NEFH: variants seen among roughly 807,000 people sequenced by gnomAD.
NEFH encodes neurofilament heavy chain, also known as neurofilament heavy polypeptide.
A neutral mutation model predicts 56.6 loss-of-function variants in NEFH; 58 were observed. That is an observed-to-expected ratio of 1.03 (90% CI 0.83 to 1.28). The LOEUF (loss-of-function observed/expected upper bound fraction) is 1.28, where lower values mean the gene tolerates loss of function less well. Among genes scored for constraint, NEFH ranks in the 50% most tolerant of loss-of-function variants. NEFH has a pLI of 0.00. For missense variants in NEFH, 1,221 were observed against 1,307.6 expected (o/e 0.93, Z 1.02); for synonymous variants, 542 against 545.8 (o/e 0.99, Z 0.10).
At position 29,480,230 on chromosome 22, in the gene NEFH, G is replaced by T; in HGVS notation, c.-33G>T. 8 of 1,492,818 alleles carry T rather than the reference G, an allele frequency of 5.4e-6. No homozygotes were observed. The highest frequency in any genetic ancestry group is 7.1e-6 in the Non-Finnish European group (8 of 1,130,512). The allele number at this position is 1,492,818 out of a possible 1,614,324, so 92.5% of individuals were successfully genotyped here. On this transcript the variant is annotated 5_prime_UTR_variant, in exon 1 of 4. Transcript: ENST00000310624. ...CCCTGGTGCTGCCGCAGTGCCTCCC[G>T]CCCCGTCCCGGCCTCGCGCACCTGC...
chr22:29,483,580 CA>C lies in NEFH; in HGVS notation c.1083+7del. 3.1e-6 allele frequency: 5 copies of C among 1,613,226 alleles called. No individual in the cohort carries two copies. Among genetic ancestry groups the C allele is most frequent in the Non-Finnish European group, 4.2e-6 (5 of 1,179,890 alleles). ...CCGACATTGCCTCCTACCAGGTGGG[CA>C]GGGGCAAGGCAGACAGCCAGACTGC... On this transcript the variant is annotated splice_region_variant and intron_variant, in intron 2 of 3. Transcript: ENST00000310624.
At position 29,480,300 on chromosome 22, in the gene NEFH, C is replaced by T. The variant is rs748355993; in HGVS notation, c.38C>T (p.Ala13Val). ...SFGGADALLG[A>V]PFAPLHGGGS... ...GGCGGCGCGGACGCGCTGCTGGGCG[C>T]CCCGTTCGCGCCGCTGCATGGCGGC... is the stretch of plus-strand genomic sequence containing the variant. Residue 13 changes from alanine (A) to valine (V), a missense_variant, in exon 1 of 4, where the codon GCC becomes GTC. Ala to Val is a moderately conservative substitution (Grantham distance 64). Coordinates refer to ENST00000310624, the MANE Select transcript of NEFH (RefSeq NM_021076.4). 1.3e-6 allele frequency: 2 copies of T among 1,507,936 alleles called. No homozygotes were observed. Among genetic ancestry groups the T allele is most frequent in the Middle Eastern group, 2.1e-4 (1 of 4,776 alleles). 93.4% of individuals were successfully genotyped at this position (1,507,936 alleles called of 1,614,324 possible). A position where few individuals can be genotyped will look rare whatever the true frequency, so the allele number is the denominator to read the frequency against.
chr22:29,482,142 G>A (rs1400590391), intron 1 of NEFH, among the ~76,000 whole-genome samples: 1 of 152,210 alleles, frequency 6.6e-6, no homozygotes, highest in Non-Finnish European at 1.5e-5. Flanking sequence ...AGCACTAGCA[G>A]GGAAAGCTGG....
intron 3 of NEFH, among the ~76,000 whole-genome samples, chr22:29,488,378 G>A (rs536728781): frequency 8.9e-5 from 13 of 146,890 alleles, no homozygotes; most frequent in South Asian, 4.2e-4. Context: ...GCAAGACTCC[G>A]TCTCAAAAAA....
intron 2 of NEFH, among the ~76,000 whole-genome samples, chr22:29,484,271 C>T (rs537568541): frequency 6.6e-5 from 10 of 152,302 alleles, no homozygotes; most frequent in Non-Finnish European, 1.2e-4. Flanking sequence ...TGGTCTTGGT[C>T]GCAGTGGACA....
At chr22:29,481,425 G>A (rs910507972) in intron 1 of NEFH, among the ~76,000 whole-genome samples, 1 of 151,924 alleles carries the variant, frequency 6.6e-6, no homozygotes. Context: ...AAGCTTAGGC[G>A]ACCCCACTCT....
rs540254061 is a variant in NEFH, at chr22:29,485,909, C to G, written c.1208+62C>G. 19 of 1,604,494 alleles carry G rather than the reference C, an allele frequency of 1.2e-5. No individual in the cohort carries two copies. The South Asian group carries it at 2.1e-4, about 18-fold the overall frequency. On this transcript the variant is annotated intron_variant, in intron 3 of 3. Transcript: ENST00000310624. Reference sequence around the variant, plus strand: ...CTTGTGTTCCTGCGAGACGCTAAGCCTTGGGTTTCAAGACCCCGTTTAGGC... The same window carrying G: ...CTTGTGTTCCTGCGAGACGCTAAGCGTTGGGTTTCAAGACCCCGTTTAGGC...
Position 29,480,257 on chromosome 22 carries a change from C to T in NEFH, c.-6C>T. The T allele has an allele frequency of 1.3e-6, 2 of 1,509,892 alleles. No homozygotes were observed. Among genetic ancestry groups the T allele is most frequent in the Non-Finnish European group, 1.8e-6 (2 of 1,138,324 alleles). The allele number at this position is 1,509,892 out of a possible 1,614,324, so 93.5% of individuals were successfully genotyped here. A position where few individuals can be genotyped will look rare whatever the true frequency, so the allele number is the denominator to read the frequency against. ...CCCGTCCCGGCCTCGCGCACCTGCT[C>T]AGGCCATGATGAGCTTCGGCGGCGC... On this transcript the variant is annotated 5_prime_UTR_variant, in exon 1 of 4. Transcript: ENST00000310624.
chr22:29,490,665 G>A lies in NEFH; in HGVS notation c.3025G>A (p.Glu1009Lys). Residue 1009 changes from glutamate (E) to lysine (K), a missense_variant, in exon 4 of 4, where the codon GAG becomes AAG. Physicochemically the swap from Glu to Lys is moderately conservative, Grantham distance 56. Around this residue, in one of 4 missense-constraint regions of NEFH, gnomAD observed 301 missense variants for 346.6 expected, o/e 0.87. Coordinates refer to ENST00000310624, the MANE Select transcript of NEFH (RefSeq NM_021076.4). ...STDQKDSKPP[E>K]KATEDKAAKG... Reference sequence around the variant, plus strand: ...AGACCAAAAAGACAGCAAGCCTCCAGAGAAGGCCACAGAAGACAAGGCCGC... The same window carrying A: ...AGACCAAAAAGACAGCAAGCCTCCAAAGAAGGCCACAGAAGACAAGGCCGC... 1.2e-6 allele frequency: 2 copies of A among 1,614,140 alleles called. No individual in the cohort carries two copies. The highest frequency in any genetic ancestry group is 1.7e-6 in the Non-Finnish European group (2 of 1,180,026).
At position 29,483,827 on chromosome 22, in the gene NEFH, T is replaced by TTTTATTTATTTATTTATTTA. The variant is rs140814097; in HGVS notation, c.1083+273_1083+292dup. On this transcript the variant is annotated intron_variant, in intron 2 of 3. Transcript: ENST00000310624. ...AGCTGGAAAGATTAAAGAGATAGACTTTTATTTATTTATTTATTTATTTAT... is the reference window on the plus strand; with the variant it reads ...AGCTGGAAAGATTAAAGAGATAGACTTTTATTTATTTATTTATTTATTTATTTATTTATTTATTTATTTAT... Among the ~76,000 whole-genome samples, 445 of 136,540 alleles carry TTTTATTTATTTATTTATTTA rather than the reference T, an allele frequency of 3.3e-3. 6 individuals carry two copies. The highest frequency in any genetic ancestry group is 0.012 in the African/African-American group (417 of 36,130). 89.6% of individuals were successfully genotyped at this position (136,540 alleles called of 152,430 possible). A position where few individuals can be genotyped will look rare whatever the true frequency, so the allele number is the denominator to read the frequency against.
At position 29,485,855 on chromosome 22, in the gene NEFH, G is replaced by A. The variant is rs117036372; in HGVS notation, c.1208+8G>A. ...AGAGATAGCCGCTTACAGGTGAGAC[G>A]CACAGGGGCTGTCACATGGTGAAGA... is the stretch of plus-strand genomic sequence containing the variant. On this transcript the variant is annotated splice_region_variant and intron_variant, in intron 3 of 3. Transcript: ENST00000310624. 9.3e-5 allele frequency: 150 copies of A among 1,614,092 alleles called. 1 individual carries two copies. The East Asian group carries it at 1.5e-3, about 16-fold the overall frequency.
Position 29,480,527 on chromosome 22 carries a change from G to A in NEFH, c.265G>A (p.Val89Met), listed in dbSNP as rs1157836095. The stretch of plus-strand genomic sequence containing the variant: ...GAGCAACGGGCCGGAGGGCTGCATG[G>A]TGGCGGTGGCCACCTCACGCAGTGA... ...TLSNGPEGCM[V>M]AVATSRSEKE... The change falls in exon 1 of 4, where the codon GTG (valine) becomes ATG (methionine). Residue 89 changes from valine to methionine, a missense_variant. Val to Met is a conservative substitution (Grantham distance 21, BLOSUM62 1). Coordinates refer to ENST00000310624, the MANE Select transcript of NEFH (RefSeq NM_021076.4). 6.5e-7 allele frequency: 1 copy of A among 1,536,570 alleles called. No homozygotes were observed. The highest frequency in any genetic ancestry group is 8.7e-7 in the Non-Finnish European group (1 of 1,148,000).
At position 29,489,499 on chromosome 22, in the gene NEFH, C is replaced by G. The variant is rs139580489; in HGVS notation, c.1859C>G (p.Ser620Cys). 2 of 1,599,164 alleles carry G rather than the reference C, an allele frequency of 1.3e-6. No homozygotes were observed. The highest frequency in any genetic ancestry group is 1.1e-5 in the South Asian group (1 of 90,128). ...EEAKSPAEAK[S>C]PVKEEAKSPA... The stretch of plus-strand genomic sequence containing the variant: ...GCAAAGTCACCGGCTGAGGCCAAGT[C>G]CCCAGTGAAGGAAGAAGCAAAATCT... The change falls in exon 4 of 4, where the codon TCC becomes TGC. Residue 620 changes from serine to cysteine, a missense_variant. Transcript: ENST00000310624.
At chr22:29,483,752 G>T in intron 2 of NEFH, among the ~76,000 whole-genome samples, 178 bp downstream of exon 2, 1 of 121,706 alleles carries the variant, frequency 8.2e-6, no homozygotes. Context: ...CTGAATCTGA[G>T]TTCCTTTCCA....
Position 29,480,367 on chromosome 22 carries a change from C to A in NEFH, c.105C>A (p.Gly35=), listed in dbSNP as rs763701632. Residue 35 remains glycine (G), a synonymous_variant, in exon 1 of 4, where the codon GGC becomes GGA. Transcript: ENST00000310624. The part of the protein sequence containing the change: ...HYALARKGGA[G]GTRSAAGSSS... ...CGCTAGCCCGAAAGGGTGGCGCAGG[C>A]GGGACGCGCTCCGCCGCTGGCTCCT... 3 of 1,537,552 alleles carry A rather than the reference C, an allele frequency of 2.0e-6. No homozygotes were observed. Among genetic ancestry groups the A allele is most frequent in the South Asian group, 1.2e-5 (1 of 84,250 alleles).
intron 1 of NEFH, among the ~76,000 whole-genome samples, chr22:29,481,553 C>T (rs531677358): frequency 6.6e-6 from 1 of 152,344 alleles, no homozygotes; most frequent in East Asian, 1.9e-4. Context: ...GGCTTCCCCG[C>T]CAATGCTGCC....
At chr22:29,482,192 TC>T (rs1478470785) in intron 1 of NEFH, among the ~76,000 whole-genome samples, 2 of 152,192 alleles carry the variant, frequency 1.3e-5, no homozygotes, top group Admixed American at 1.3e-4. Flanking sequence ...TTTCCACTCC[TC>T]TGCAGAGCAG....
In NEFH at chr22:29,488,987, G is replaced by C. The variant is rs199932977; in HGVS notation, c.1347G>C (p.Lys449Asn). 4.3e-5 allele frequency: 70 copies of C among 1,614,196 alleles called. 1 individual carries two copies. The Middle Eastern group carries it at 6.6e-4, about 15-fold the overall frequency. ...AAGAGAAGATCAAAGTGGTGGAGAAGTCTGAGAAAGAAACTGTGATTGTGG... is the reference window on the plus strand; with the variant it reads ...AAGAGAAGATCAAAGTGGTGGAGAACTCTGAGAAAGAAACTGTGATTGTGG... ...KSEEKIKVVE[K>N]SEKETVIVEE... The change falls in exon 4 of 4, where the codon AAG (lysine) becomes AAC (asparagine). Residue 449 changes from lysine (K) to asparagine (N), a missense_variant. By Grantham distance (94) the Lys-to-Asn change is moderately conservative. Around this residue, in one of 4 missense-constraint regions of NEFH, gnomAD observed 243 missense variants for 299.1 expected, o/e 0.81. Transcript: ENST00000310624.
chr22:29,490,316 C>T lies in NEFH; in HGVS notation c.2676C>T (p.Ala892=). ...AGCCCAAAGAATCCAAAGTTGAAGCCAAGAAGGAAGAGGCTGAAGATAAGA... is the reference window on the plus strand; with the variant it reads ...AGCCCAAAGAATCCAAAGTTGAAGCTAAGAAGGAAGAGGCTGAAGATAAGA... ...VEKPKESKVE[A]KKEEAEDKKK... Residue 892 remains alanine (A), a synonymous_variant, in exon 4 of 4, where the codon GCC becomes GCT. Coordinates refer to ENST00000310624, the MANE Select transcript of NEFH (RefSeq NM_021076.4). 1 of 1,612,832 alleles carries T rather than the reference C, an allele frequency of 6.2e-7. No homozygotes were observed. The highest frequency in any genetic ancestry group is 8.5e-7 in the Non-Finnish European group (1 of 1,179,584).
Sources: allele counts gnomAD v4.1 joint callset (sites outside exome capture counted in the v4.1 genomes callset), GRCh38; gene constraint gnomAD v4.1.1; regional missense constraint gnomAD v4.1.1; transcripts MANE v1.5; gene names NCBI Gene and HGNC (gene_info 2026-07-23, HGNC 2026-07-21).